The following RALYL variants were observed in gnomAD, a reference collection of about 807,000 sequenced individuals.
RALYL encodes RALY RNA binding protein like, also known as RNA-binding Raly-like protein.
A neutral mutation model predicts 35.1 loss-of-function variants in RALYL; 29 were observed. The ratio of observed to expected loss-of-function variants is 0.83; its 90% CI spans 0.61 to 1.13. The LOEUF (loss-of-function observed/expected upper bound fraction) is 1.13, where lower values mean the gene tolerates loss of function less well. Ranked by LOEUF, RALYL falls within the 50% of genes most tolerant of loss-of-function variation. The pLI, the probability that RALYL is intolerant of heterozygous loss-of-function variation, is 0.00. For synonymous variants in RALYL, 120 were observed against 127.6 expected (o/e 0.94, Z 0.40); for missense variants, 359 against 360.4 (o/e 1.00, Z 0.03).
chr8:84,810,969 G>A (rs1411766499), intron 4 of RALYL, among the ~76,000 whole-genome samples: 2 of 152,104 alleles, frequency 1.3e-5, no homozygotes, highest in Admixed American at 6.6e-5. Context: ...TTTAAGCAAA[G>A]CATTTAGGCC....
intron 1 of RALYL, among the ~76,000 whole-genome samples, chr8:84,279,404 C>T (rs1836092377): frequency 1.3e-5 from 2 of 152,012 alleles, no homozygotes; most frequent in Non-Finnish European, 2.9e-5. Flanking sequence ...AGTTTTTATT[C>T]AAAATTGGAC....
intron 6 of RALYL, among the ~76,000 whole-genome samples, chr8:84,865,873 C>T (rs1839088561): frequency 6.6e-6 from 1 of 152,144 alleles, no homozygotes; most frequent in South Asian, 2.1e-4. Flanking sequence ...TGCCCTGAAG[C>T]ATCTAACAGG....
chr8:84,238,560 A>G (rs986430831), intron 1 of RALYL, among the ~76,000 whole-genome samples: 6 of 152,166 alleles, frequency 3.9e-5, no homozygotes, highest in African/African-American at 1.4e-4. Context: ...TTTTTAGTAG[A>G]GAGAAACTTG....
chr8:84,272,462 C>G (rs1327859175), intron 1 of RALYL, among the ~76,000 whole-genome samples: 1 of 152,132 alleles, frequency 6.6e-6, no homozygotes, highest in Non-Finnish European at 1.5e-5. Flanking sequence ...AGAAAACTAG[C>G]AGGCTGCTGC....
intron 1 of RALYL, among the ~76,000 whole-genome samples, chr8:84,426,153 G>A (rs1563909079): frequency 6.6e-6 from 1 of 152,084 alleles, no homozygotes; most frequent in Non-Finnish European, 1.5e-5. Context: ...GATACATATA[G>A]ATAGTATAAA....
intron 2 of RALYL, among the ~76,000 whole-genome samples, chr8:84,605,940 G>A (rs1817036378): frequency 6.6e-6 from 1 of 152,036 alleles, no homozygotes; most frequent in Non-Finnish European, 1.5e-5. Context: ...AGTATAGCCA[G>A]AGTTATTTGT....
intron 2 of RALYL, among the ~76,000 whole-genome samples, chr8:84,600,500 C>A (rs1815674163): frequency 6.6e-6 from 1 of 152,026 alleles, no homozygotes; most frequent in Non-Finnish European, 1.5e-5. Flanking sequence ...GTAGAAAGGT[C>A]TGCACTTTAA....
intron 1 of RALYL, among the ~76,000 whole-genome samples, chr8:84,229,861 T>C (rs1481110809): frequency 2.0e-5 from 3 of 152,170 alleles, no homozygotes; most frequent in Admixed American, 1.3e-4. Context: ...GTTCCTGACT[T>C]GCAGTGATTT....
At chr8:84,686,562 G>A (rs1315482062) in intron 2 of RALYL, among the ~76,000 whole-genome samples, 7 of 152,070 alleles carry the variant, frequency 4.6e-5, no homozygotes, top group Admixed American at 2.0e-4. Context: ...ATGCCACCAC[G>A]CCCAGCTAAT....
intron 3 of RALYL, among the ~76,000 whole-genome samples, chr8:84,798,612 A>G (rs1248773326): frequency 6.6e-6 from 1 of 152,200 alleles, no homozygotes; most frequent in East Asian, 1.9e-4. Flanking sequence ...TGGCACATCC[A>G]TCTTAAATGT....
chr8:84,427,299 A>G (rs922258447), intron 1 of RALYL, among the ~76,000 whole-genome samples: 1 of 152,128 alleles, frequency 6.6e-6, no homozygotes, highest in Non-Finnish European at 1.5e-5. Flanking sequence ...TCCATTCTCC[A>G]CACTGCTTCC....
chr8:84,730,902 GA>G (rs1253476750), intron 2 of RALYL, among the ~76,000 whole-genome samples: 2 of 151,978 alleles, frequency 1.3e-5, no homozygotes, highest in Non-Finnish European at 1.5e-5. Context: ...AAGAGATAAT[GA>G]AAAAATATGC....
At chr8:84,634,319 C>A (rs538512311) in intron 2 of RALYL, among the ~76,000 whole-genome samples, 1 of 151,930 alleles carries the variant, frequency 6.6e-6, no homozygotes, top group East Asian at 1.9e-4. Flanking sequence ...TTTGTGTCTG[C>A]CTTTCAAAGG....
intron 1 of RALYL, among the ~76,000 whole-genome samples, chr8:84,274,848 C>T (rs1054082445): frequency 2.6e-5 from 4 of 152,240 alleles, no homozygotes; most frequent in African/African-American, 9.6e-5. Context: ...TGCCATATGG[C>T]ATCTGAAAGA....
intron 2 of RALYL, among the ~76,000 whole-genome samples, chr8:84,765,301 A>G (rs575511123): frequency 6.6e-6 from 1 of 152,258 alleles, no homozygotes; most frequent in Admixed American, 6.5e-5. Flanking sequence ...ATGAAGAACA[A>G]GGAGAGGTAG....
intron 1 of RALYL, chr8:84,184,857 G>C: frequency 1.0e-6 from 1 of 986,302 alleles, no homozygotes; most frequent in Non-Finnish European, 1.6e-6. Flanking sequence ...AGAGCACCCG[G>C]GAGATGGGGG....
intron 5 of RALYL, among the ~76,000 whole-genome samples, chr8:84,857,320 G>A (rs1472026766): frequency 6.6e-6 from 1 of 152,004 alleles, no homozygotes; most frequent in African/African-American, 2.4e-5. Context: ...TAGCCCCCTA[G>A]GGAAGACCAA....
At chr8:84,216,423 A>T (rs748087836) in intron 1 of RALYL, among the ~76,000 whole-genome samples, 7 of 152,140 alleles carry the variant, frequency 4.6e-5, no homozygotes, top group Non-Finnish European at 7.4e-5. Flanking sequence ...AAAATTTTTT[A>T]GAAATACATT....
chr8:84,276,488 CG>C (rs1047729611), intron 1 of RALYL, among the ~76,000 whole-genome samples: 1 of 151,950 alleles, frequency 6.6e-6, no homozygotes, highest in African/African-American at 2.4e-5. Context: ...CATCTTCCTG[CG>C]GTAAGAAAGA....
Sources: allele counts gnomAD v4.1 joint callset (sites outside exome capture counted in the v4.1 genomes callset), GRCh38; gene constraint gnomAD v4.1.1; transcripts MANE v1.5; gene names NCBI Gene and HGNC (gene_info 2026-07-23, HGNC 2026-07-21).